Variants in MYO1F observed in about 807,000 individuals in gnomAD.
The protein encoded by MYO1F is myosin IF.
A neutral mutation model predicts 146.6 loss-of-function variants in MYO1F; 60 were observed. That is an observed-to-expected ratio of 0.41 (90% CI 0.33 to 0.51). MYO1F has a LOEUF of 0.51. MYO1F is among the 20% of genes least tolerant of loss of function. The pLI, the probability that MYO1F is intolerant of heterozygous loss-of-function variation, is 0.25. For missense variants in MYO1F, 1,274 were observed against 1,534.3 expected, an observed-to-expected ratio of 0.83 and a Z score of 2.83; for synonymous variants, 602 against 602.1, an observed-to-expected ratio of 1.00 and a Z score of 0.00.
intron 16 of MYO1F, among the ~76,000 whole-genome samples, chr19:8,539,610 T>C (rs774138875): frequency 9.2e-5 from 14 of 151,702 alleles, no homozygotes; most frequent in Admixed American, 2.6e-4. Flanking sequence ...AAAAAAATTA[T>C]TGGATATTAT....
chr19:8,535,840 C>T (rs551831490), intron 19 of MYO1F, among the ~76,000 whole-genome samples: 43 of 152,044 alleles, frequency 2.8e-4, no homozygotes, highest in South Asian at 8.3e-4. Context: ...CCACCATGCC[C>T]GGCTAATTTT....
chr19:8,573,943 C>T (rs62119437), intron 1 of MYO1F, among the ~76,000 whole-genome samples: 13,042 of 152,198 alleles, frequency 0.086, 730 homozygotes, highest in South Asian at 0.14. Context: ...AGTCACCAGT[C>T]CTATCCTGTT....
At chr19:8,524,930 C>G (rs1972203043) in intron 25 of MYO1F, among the ~76,000 whole-genome samples, 1 of 152,112 alleles carries the variant, frequency 6.6e-6, no homozygotes, top group Admixed American at 6.6e-5. Context: ...GGCGCCGTAG[C>G]TCATGCTTGT....
intron 1 of MYO1F, among the ~76,000 whole-genome samples, chr19:8,566,386 C>T (rs1328189962): frequency 6.6e-6 from 1 of 151,578 alleles, no homozygotes. Flanking sequence ...CCAGGATGGT[C>T]TCGAGCTCCT....
At position 8,527,429 on chromosome 19, in the gene MYO1F, C is replaced by T; in HGVS notation, c.2383G>A (p.Glu795Lys). Residue 795 changes from glutamate to lysine, a missense_variant, in exon 22 of 28, where the codon GAG becomes AAG. Physicochemically the swap from Glu to Lys is moderately conservative, Grantham distance 56 (BLOSUM62 1). Coordinates refer to ENST00000644032, the MANE Select transcript of MYO1F (RefSeq NM_012335.4). ...TTCTCAGGTCCCTTCTTCACTTTCT[C>T]TCGCCCAATCACATACACACACTTG... ...TPKCVYVIGREKVKKGPEKGQ... is the reference protein window; with the variant it reads ...TPKCVYVIGRKKVKKGPEKGQ... The T allele has an allele frequency of 6.2e-7, 1 of 1,614,092 alleles. No homozygotes were observed. The highest frequency in any genetic ancestry group is 8.5e-7 in the Non-Finnish European group (1 of 1,179,996).
chr19:8,557,714 G>T (rs1344615265), intron 1 of MYO1F, among the ~76,000 whole-genome samples: 2 of 152,186 alleles, frequency 1.3e-5, no homozygotes, highest in African/African-American at 4.8e-5. Context: ...TTGGGGTTCT[G>T]CAGGCTGTAG....
At chr19:8,564,322 A>T (rs1006674325) in intron 1 of MYO1F, among the ~76,000 whole-genome samples, 1 of 152,122 alleles carries the variant, frequency 6.6e-6, no homozygotes, top group Admixed American at 6.6e-5. Flanking sequence ...CAGAGGTTGC[A>T]GTGAGCCAAG....
In MYO1F at chr19:8,554,487, C is replaced by T. The variant is rs781772109; in HGVS notation, c.316G>A (p.Val106Ile). 1 of 1,609,506 alleles carries T rather than the reference C, an allele frequency of 6.2e-7. No individual in the cohort carries two copies. The highest frequency in any genetic ancestry group is 1.3e-5 in the African/African-American group (1 of 74,802). The change falls in exon 4 of 28, where the codon GTC (valine) becomes ATC (isoleucine). Residue 106 changes from valine to isoleucine, a missense_variant. Coordinates refer to ENST00000644032, the MANE Select transcript of MYO1F (RefSeq NM_012335.4). ...NMLIDCENQC[V>I]IISGESGAGK... ...CAACTCTGTCCATACCTAATGATGA[C>T]ACACTGGTTCTCACAGTCGATAAGC...
chr19:8,551,112 C>T (rs1278400280), intron 8 of MYO1F, among the ~76,000 whole-genome samples: 13 of 148,904 alleles, frequency 8.7e-5, no homozygotes, highest in African/African-American at 3.0e-4. Flanking sequence ...AGTGCAGCGG[C>T]GCTATCTTGG....
rs374873299 is a variant in MYO1F, at chr19:8,548,059, C to G, written c.1246G>C (p.Glu416Gln). ...VNEKLQQIFI[E>Q]LTLKAEQEEY... ...ACCTGCTCGGCCTTCAGGGTAAGTT[C>G]GATAAAGATTTGCTGCAGCTTCTCA... is the stretch of plus-strand genomic sequence containing the variant. The change falls in exon 12 of 28, where the codon GAA (glutamate) becomes CAA (glutamine). Residue 416 changes from glutamate (E) to glutamine (Q), a missense_variant. By Grantham distance (29) the Glu-to-Gln change is conservative. Transcript: ENST00000644032. 76 of 1,583,778 alleles carry G rather than the reference C, an allele frequency of 4.8e-5. No homozygotes were observed. In the East Asian group the frequency reaches 1.3e-3, roughly 28 times the overall value.
chr19:8,547,969 A>C, intron 12 of MYO1F, 67 bp downstream of exon 12: 168 of 1,392,778 alleles, frequency 1.2e-4, no homozygotes, highest in Middle Eastern at 2.4e-4. Context: ...TTGCTAAGGG[A>C]TCCTCATGGT....
At chr19:8,539,644 G>C (rs900390989) in intron 16 of MYO1F, among the ~76,000 whole-genome samples, 3 of 151,988 alleles carry the variant, frequency 2.0e-5, no homozygotes, top group Non-Finnish European at 4.4e-5. Context: ...TTTATGTCAT[G>C]TATATTTTAC....
chr19:8,525,881 G>T (rs987405177), intron 24 of MYO1F, among the ~76,000 whole-genome samples: 1 of 152,092 alleles, frequency 6.6e-6, no homozygotes, highest in African/African-American at 2.4e-5. Flanking sequence ...CTCCTTAACA[G>T]TCTTTCTCTC....
At chr19:8,561,213 A>G (rs59138202) in intron 1 of MYO1F, among the ~76,000 whole-genome samples, 97,414 of 151,806 alleles carry the variant, frequency 0.64, 32,057 homozygotes, top group East Asian at 0.93. Flanking sequence ...CAGCTGGGAG[A>G]AAGGGTGCAC....
Position 8,542,039 on chromosome 19 carries a change from G to A in MYO1F, c.1525-48C>T, listed in dbSNP as rs57666560. On this transcript the variant is annotated intron_variant, in intron 14 of 27. Coordinates refer to ENST00000644032, the MANE Select transcript of MYO1F (RefSeq NM_012335.4). ...CAGTGAGGGACTGAGAAACCTGGCT[G>A]GGAGGGTGGGCGTGGGGTGCTTACA... 201 of 1,508,322 alleles carry A rather than the reference G, an allele frequency of 1.3e-4. No homozygotes were observed. In the African/African-American group the frequency reaches 2.3e-3, roughly 17 times the overall value. 93.4% of individuals were successfully genotyped at this position (1,508,322 alleles called of 1,614,324 possible).
intron 1 of MYO1F, among the ~76,000 whole-genome samples, chr19:8,568,205 C>T (rs936059006): frequency 6.6e-6 from 1 of 151,826 alleles, no homozygotes; most frequent in Non-Finnish European, 1.5e-5. Context: ...GGGTGGATCA[C>T]GAGGTCAGGA....
chr19:8,551,859 A>G lies in MYO1F; in HGVS notation c.652T>C (p.Ser218Pro). ...HIYYQLLEGA[S>P]QEQRQNLGLM... ...CCCAGGTTCTGCCTTTGCTCCTGGGAGGCCCCTTCCAGCAGCTGGAGGGTG... is the reference window on the plus strand; with the variant it reads ...CCCAGGTTCTGCCTTTGCTCCTGGGGGGCCCCTTCCAGCAGCTGGAGGGTG... Residue 218 changes from serine to proline, a missense_variant, in exon 8 of 28, where the codon TCC becomes CCC. Physicochemically the swap from Ser to Pro is moderately conservative, Grantham distance 74. This residue lies in a region of MYO1F where 900 missense variants were observed against 1,155.1 expected (regional missense o/e 0.78). Coordinates refer to ENST00000644032, the MANE Select transcript of MYO1F (RefSeq NM_012335.4). 1 of 1,614,048 alleles carries G rather than the reference A, an allele frequency of 6.2e-7. No homozygotes were observed. The highest frequency in any genetic ancestry group is 1.1e-5 in the South Asian group (1 of 91,072).
At chr19:8,548,007 C>G (rs1322141679) in intron 12 of MYO1F, 29 bp downstream of exon 12, 2 of 933,108 alleles carry the variant, frequency 2.1e-6, no homozygotes, top group Admixed American at 1.7e-5. Flanking sequence ...ACCCCAGGAT[C>G]CCCCATCCCT....
At chr19:8,563,682 T>C (rs957656744) in intron 1 of MYO1F, among the ~76,000 whole-genome samples, 16 of 151,730 alleles carry the variant, frequency 1.1e-4, no homozygotes, top group African/African-American at 3.6e-4. Flanking sequence ...CTAATTTTTT[T>C]TGTATTTTTA....
Sources: allele counts gnomAD v4.1 joint callset (sites outside exome capture counted in the v4.1 genomes callset), GRCh38; gene constraint gnomAD v4.1.1; regional missense constraint gnomAD v4.1.1; transcripts MANE v1.5; gene names NCBI Gene and HGNC (gene_info 2026-07-23, HGNC 2026-07-21).